HS6ST3: variants seen among roughly 807,000 people sequenced by gnomAD.
HS6ST3 encodes heparan-sulfate 6-O-sulfotransferase 3.
HS6ST3 carries 12 observed loss-of-function variants against 36.7 expected under a neutral mutation model. That is an observed-to-expected ratio of 0.33 (90% CI 0.21 to 0.53). The LOEUF (loss-of-function observed/expected upper bound fraction) is 0.53, where lower values mean the gene tolerates loss of function less well. Ranked by LOEUF, HS6ST3 falls within the 20% of genes least tolerant of loss-of-function variation. The pLI, the probability that HS6ST3 is intolerant of heterozygous loss-of-function variation, is 0.95. For synonymous variants in HS6ST3, 240 were observed against 257.5 expected (o/e 0.93, Z 0.65); for missense variants, 584 against 640.9 (o/e 0.91, Z 0.96).
At chr13:96,242,443 C>T (rs576883509) in intron 1 of HS6ST3, among the ~76,000 whole-genome samples, 33 of 151,798 alleles carry the variant, frequency 2.2e-4, no homozygotes, top group African/African-American at 7.5e-4. Context: ...GGTCTTGAAC[C>T]CCTGGGCCCA....
intron 1 of HS6ST3, among the ~76,000 whole-genome samples, chr13:96,416,266 C>T (rs2055532409): frequency 1.3e-5 from 2 of 152,060 alleles, no homozygotes; most frequent in South Asian, 4.1e-4. Flanking sequence ...ATTGGTGTTG[C>T]CAGTATCTTG....
At chr13:96,203,588 A>G (rs1434214397) in intron 1 of HS6ST3, among the ~76,000 whole-genome samples, 1 of 152,178 alleles carries the variant, frequency 6.6e-6, no homozygotes, top group Non-Finnish European at 1.5e-5. Flanking sequence ...GTCTTCTTTC[A>G]ACATTTCCAG....
intron 1 of HS6ST3, among the ~76,000 whole-genome samples, chr13:96,826,736 C>T (rs1321063316): frequency 1.3e-5 from 2 of 152,082 alleles, no homozygotes; most frequent in Admixed American, 1.3e-4. Flanking sequence ...AACGTGATCG[C>T]CTTACAGCAG....
At chr13:96,464,239 A>AC (rs1036802193) in intron 1 of HS6ST3, among the ~76,000 whole-genome samples, 1 of 148,796 alleles carries the variant, frequency 6.7e-6, no homozygotes, top group African/African-American at 2.5e-5. Flanking sequence ...TTGCTTCCTT[A>AC]CCCCCCTACC....
At chr13:96,311,133 C>G (rs928541913) in intron 1 of HS6ST3, among the ~76,000 whole-genome samples, 1 of 152,038 alleles carries the variant, frequency 6.6e-6, no homozygotes, top group Non-Finnish European at 1.5e-5. Flanking sequence ...TATAAAATAC[C>G]ACCATGCTAT....
At chr13:96,785,671 A>C (rs551452814) in intron 1 of HS6ST3, among the ~76,000 whole-genome samples, 29 of 152,242 alleles carry the variant, frequency 1.9e-4, no homozygotes, top group East Asian at 7.7e-4. Context: ...AACAACAACA[A>C]CACCAAACTG....
At chr13:96,244,679 A>G (rs576087748) in intron 1 of HS6ST3, among the ~76,000 whole-genome samples, 1 of 152,316 alleles carries the variant, frequency 6.6e-6, no homozygotes, top group East Asian at 1.9e-4. Flanking sequence ...CGTGAAGAGG[A>G]TTATCCAAGC....
At chr13:96,100,327 G>A (rs1310060712) in intron 1 of HS6ST3, among the ~76,000 whole-genome samples, 1 of 152,040 alleles carries the variant, frequency 6.6e-6, no homozygotes, top group East Asian at 1.9e-4. Context: ...CTGTTTTAAA[G>A]TATTGGTAGC....
intron 1 of HS6ST3, among the ~76,000 whole-genome samples, chr13:96,203,283 G>T (rs932258100): frequency 1.3e-5 from 2 of 152,154 alleles, no homozygotes; most frequent in Non-Finnish European, 2.9e-5. Context: ...GTCTGGTGAG[G>T]ATCCTCTTTC....
intron 1 of HS6ST3, among the ~76,000 whole-genome samples, chr13:96,220,920 A>G (rs1243333359): frequency 1.3e-5 from 2 of 152,210 alleles, no homozygotes; most frequent in Non-Finnish European, 1.5e-5. Context: ...CAATTACGCA[A>G]TTTGAGTGTT....
rs1243757700 is a variant in HS6ST3, at chr13:96,326,180, A to T, written c.707+234611A>T. ...TATTCATTTTTTCTTTTTTTTTTTAATTTTTTTTTATTATACTTTAAGTTT... is the reference window on the plus strand; with the variant it reads ...TATTCATTTTTTCTTTTTTTTTTTATTTTTTTTTTATTATACTTTAAGTTT... On this transcript the variant is annotated intron_variant, in intron 1 of 1. Transcript: ENST00000376705. Among the ~76,000 whole-genome samples the T allele has an allele frequency of 8.7e-4, 130 of 149,272 alleles. 2 individuals are homozygous for T. The highest frequency in any genetic ancestry group is 2.6e-3 in the African/African-American group (105 of 40,466).
In HS6ST3 at chr13:96,165,369, G is replaced by C. The variant is rs139552615; in HGVS notation, c.707+73800G>C. 6.6e-3 allele frequency among the ~76,000 whole-genome samples: 1,002 copies of C among 152,264 alleles called. 2 individuals carry two copies. Among genetic ancestry groups the C allele is most frequent in the Non-Finnish European group, 7.7e-3 (521 of 68,014 alleles). ...GGGGCTTTTGTCCTGGGGGACTTCT[G>C]TTGCCCTGGAGGACTCCTTAGTTTA... On this transcript the variant is annotated intron_variant, in intron 1 of 1. Transcript: ENST00000376705.
chr13:96,200,830 T>G (rs2054338177), intron 1 of HS6ST3, among the ~76,000 whole-genome samples: 1 of 152,184 alleles, frequency 6.6e-6, no homozygotes, highest in East Asian at 1.9e-4. Context: ...TAGCTTTTCT[T>G]TAATACATGA....
chr13:96,345,344 A>C (rs2055148517), intron 1 of HS6ST3, among the ~76,000 whole-genome samples: 1 of 152,086 alleles, frequency 6.6e-6, no homozygotes, highest in African/African-American at 2.4e-5. Context: ...CAGGCTAGAC[A>C]GCTTTTTTCT....
chr13:96,250,711 A>G (rs1227422468), intron 1 of HS6ST3, among the ~76,000 whole-genome samples: 2 of 152,176 alleles, frequency 1.3e-5, no homozygotes, highest in Non-Finnish European at 2.9e-5. Flanking sequence ...TACATCCTCC[A>G]ACTTCTCTCC....
intron 1 of HS6ST3, among the ~76,000 whole-genome samples, chr13:96,209,589 T>C (rs1335109968): frequency 2.6e-5 from 4 of 152,164 alleles, no homozygotes; most frequent in African/African-American, 9.7e-5. Flanking sequence ...AAAATAACAT[T>C]TGGCTATAGC....
chr13:96,400,180 C>CACACAG (rs1207225371), intron 1 of HS6ST3, among the ~76,000 whole-genome samples: 1 of 151,530 alleles, frequency 6.6e-6, no homozygotes, highest in African/African-American at 2.4e-5. Context: ...CACACACACA[C>CACACAG]ACACAGACAC....
chr13:96,616,237 T>C (rs1023782897), intron 1 of HS6ST3, among the ~76,000 whole-genome samples: 1 of 152,200 alleles, frequency 6.6e-6, no homozygotes, highest in Non-Finnish European at 1.5e-5. Flanking sequence ...AATTCATTAT[T>C]TTCTTATTTG....
rs556573287 is a variant in HS6ST3 at position 96,193,064 on chromosome 13, C to G, written c.707+101495C>G. On this transcript the variant is annotated intron_variant, in intron 1 of 1. Coordinates refer to ENST00000376705, the MANE Select transcript of HS6ST3 (RefSeq NM_153456.4). Reference sequence around the variant, plus strand: ...AGTCCATGACTTCCTTGATGCTAGTCCTGTCTCTAGCACTTCCTCTCATCC... The same window carrying G: ...AGTCCATGACTTCCTTGATGCTAGTGCTGTCTCTAGCACTTCCTCTCATCC... 3.3e-5 allele frequency among the ~76,000 whole-genome samples: 5 copies of G among 152,232 alleles called. No individual in the cohort carries two copies. In the South Asian group the frequency reaches 1.0e-3, roughly 32 times the overall value.
Sources: gnomAD v4.1 joint callset for allele counts (sites outside exome capture counted in the v4.1 genomes callset) on GRCh38, gnomAD v4.1.1 for gene constraint, MANE v1.5 for transcripts, NCBI Gene and HGNC (gene_info 2026-07-23, HGNC 2026-07-21) for gene names.